DAB2IP: variants seen among roughly 807,000 people sequenced by gnomAD.
The protein encoded by DAB2IP is disabled homolog 2-interacting protein.
Under a neutral mutation model 107.2 loss-of-function variants are expected in DAB2IP, and 28 were observed. The ratio of observed to expected loss-of-function variants is 0.26; its 90% CI spans 0.19 to 0.36. The LOEUF is 0.36. Among genes scored for constraint, DAB2IP ranks in the 10% least tolerant of loss-of-function variants. The pLI is 1.00. For missense variants in DAB2IP, 1,400 were observed against 1,644.7 expected (o/e 0.85, Z 2.57); for synonymous variants, 755 against 706.4 (o/e 1.07, Z -1.09).
intron 3 of DAB2IP, among the ~76,000 whole-genome samples, chr9:121,703,539 G>GT (rs1216085431): frequency 3.3e-5 from 5 of 152,160 alleles, no homozygotes; most frequent in African/African-American, 1.2e-4. Context: ...TGCAGCCTCA[G>GT]TTTGCTCATC....
At chr9:121,591,017 T>C (rs979334477) in intron 1 of DAB2IP, among the ~76,000 whole-genome samples, 5 of 152,152 alleles carry the variant, frequency 3.3e-5, no homozygotes, top group East Asian at 1.9e-4. Flanking sequence ...TAGGCTTCCA[T>C]TGGGAGAAGT....
chr9:121,645,193 C>T (rs1176348478), intron 1 of DAB2IP, among the ~76,000 whole-genome samples: 1 of 152,194 alleles, frequency 6.6e-6, no homozygotes, highest in Admixed American at 6.5e-5. Context: ...CCACCTGGAG[C>T]TTGGCAGCGT....
At chr9:121,589,189 G>A (rs1830372846) in intron 1 of DAB2IP, among the ~76,000 whole-genome samples, 1 of 152,122 alleles carries the variant, frequency 6.6e-6, no homozygotes, top group Non-Finnish European at 1.5e-5. Flanking sequence ...TCCACATGGA[G>A]AGGGGCCAGT....
chr9:121,665,397 T>A (rs1292803126), intron 1 of DAB2IP, among the ~76,000 whole-genome samples: 1 of 152,058 alleles, frequency 6.6e-6, no homozygotes, highest in African/African-American at 2.4e-5. Context: ...AAGGTGGAAA[T>A]TTGGGGGGAA....
Position 121,772,841 on chromosome 9 carries a change from C to T in DAB2IP, c.2313C>T (p.Pro771=). Residue 771 remains proline (P), a synonymous_variant, in exon 12 of 16, where the codon CCC becomes CCT. Transcript: ENST00000408936. This position sits in a 1 kb window ranked among gnomAD's most constrained non-coding sequence, Gnocchi z 4.7. ...CCCCGGCGGGCCCCGACGTCCTCCCCACAGATGGGCAGGCCGCTGCAGCTC... is the reference window on the plus strand; with the variant it reads ...CCCCGGCGGGCCCCGACGTCCTCCCTACAGATGGGCAGGCCGCTGCAGCTC... The T allele has an allele frequency of 4.4e-6, 7 of 1,601,472 alleles. No individual in the cohort carries two copies. Among genetic ancestry groups the T allele is most frequent in the East Asian group, 2.2e-5 (1 of 44,692 alleles).
intron 3 of DAB2IP, among the ~76,000 whole-genome samples, chr9:121,704,404 C>T (rs528616041): frequency 4.1e-4 from 62 of 152,236 alleles, no homozygotes; most frequent in Admixed American, 9.8e-4. Flanking sequence ...TATTTGCATT[C>T]ATTTGCTTGT....
Position 121,698,066 on chromosome 9 carries a change from A to G in DAB2IP, c.229-1259A>G, listed in dbSNP as rs1185388498. On this transcript the variant is annotated intron_variant, in intron 2 of 15. Coordinates refer to ENST00000408936, the Ensembl canonical transcript of DAB2IP. The surrounding 1 kb of genome is among the most constrained non-coding windows in gnomAD (Gnocchi z 4.1). ...CAGATACAGCCCAGGGCCTGTGCCAAACATCCACTGCTCCTCTTGAACACA... is the reference window on the plus strand; with the variant it reads ...CAGATACAGCCCAGGGCCTGTGCCAGACATCCACTGCTCCTCTTGAACACA... 2.0e-5 allele frequency among the ~76,000 whole-genome samples: 3 copies of G among 152,198 alleles called. No homozygotes were observed. The highest frequency in any genetic ancestry group is 7.2e-5 in the African/African-American group (3 of 41,446).
intron 1 of DAB2IP, among the ~76,000 whole-genome samples, chr9:121,612,973 G>GA (rs1384641343): frequency 6.6e-6 from 1 of 152,208 alleles, no homozygotes; most frequent in African/African-American, 2.4e-5. Context: ...GGGGAGGGGG[G>GA]ATGTCAAATC....
chr9:121,752,850 G>T (rs1833218529), intron 3 of DAB2IP: 1 of 152,246 alleles, frequency 6.6e-6, no homozygotes, highest in African/African-American at 2.4e-5. Context: ...GCATGTGCCG[G>T]CTGCCAGTGT....
intron 3 of DAB2IP, among the ~76,000 whole-genome samples, chr9:121,723,507 G>A (rs1425480685): frequency 1.3e-5 from 2 of 152,212 alleles, no homozygotes; most frequent in African/African-American, 4.8e-5. Flanking sequence ...CCAGGTCCAG[G>A]GAGGAGTGTG....
At chr9:121,712,222 G>C (rs1363308688) in intron 3 of DAB2IP, among the ~76,000 whole-genome samples, 1 of 151,834 alleles carries the variant, frequency 6.6e-6, no homozygotes, top group African/African-American at 2.4e-5. Context: ...GGGCAGGTGA[G>C]GGGTAGTGTG....
intron 3 of DAB2IP, among the ~76,000 whole-genome samples, chr9:121,705,995 C>T (rs1288385615): frequency 6.6e-6 from 1 of 152,216 alleles, no homozygotes; most frequent in East Asian, 1.9e-4. Context: ...GGAAAAGCAT[C>T]CAGCTCCCCC....
chr9:121,654,454 GTTTT>G (rs998397635), intron 1 of DAB2IP, among the ~76,000 whole-genome samples: 20 of 151,858 alleles, frequency 1.3e-4, no homozygotes, highest in African/African-American at 4.4e-4. Flanking sequence ...TTGTTTGTTT[GTTTT>G]TTTAAAAAAA....
chr9:121,692,990 C>T (rs955448146), intron 2 of DAB2IP, among the ~76,000 whole-genome samples: 10 of 152,226 alleles, frequency 6.6e-5, no homozygotes, highest in African/African-American at 2.4e-4. Context: ...GGCAGCTGCT[C>T]TGACTTTATA....
rs978423130 is a variant in DAB2IP at position 121,782,213 on chromosome 9, CG to C, written c.3403-116del. Reference sequence around the variant, plus strand: ...CTTCTCTTGCCAGCTGCTCACAGCCCGGAGCCTGCCTGCCACCCTCATCTCC... The same window carrying C: ...CTTCTCTTGCCAGCTGCTCACAGCCCGAGCCTGCCTGCCACCCTCATCTCC... On this transcript the variant is annotated intron_variant, in intron 15 of 15. Transcript: ENST00000408936. This position sits in a 1 kb window ranked among gnomAD's most constrained non-coding sequence, Gnocchi z 6.1. 18 of 1,487,276 alleles carry C rather than the reference CG, an allele frequency of 1.2e-5. No individual in the cohort carries two copies. Among genetic ancestry groups the C allele is most frequent in the Non-Finnish European group, 1.5e-5 (17 of 1,112,446 alleles). The allele number at this position is 1,487,276 out of a possible 1,614,324, so 92.1% of individuals were successfully genotyped here. A position where few individuals can be genotyped will look rare whatever the true frequency, so the allele number is the denominator to read the frequency against.
intron 3 of DAB2IP, among the ~76,000 whole-genome samples, chr9:121,756,585 C>T (rs1833496385): frequency 6.6e-6 from 1 of 152,228 alleles, no homozygotes; most frequent in African/African-American, 2.4e-5. Context: ...AATGTTGGGG[C>T]AGAGTGACTG....
intron 1 of DAB2IP, among the ~76,000 whole-genome samples, chr9:121,652,639 G>A (rs1401757912): frequency 6.6e-6 from 1 of 152,104 alleles, no homozygotes; most frequent in African/African-American, 2.4e-5. Context: ...CAGGCCCACC[G>A]AGGGTGCCCG....
intron 3 of DAB2IP, among the ~76,000 whole-genome samples, chr9:121,734,161 A>T (rs2118865616): frequency 7.1e-6 from 1 of 140,504 alleles, no homozygotes; most frequent in South Asian, 2.1e-4. Context: ...GTGGATCACG[A>T]GGTCAGGAGA....
At chr9:121,700,140 G>A (rs960634802) in intron 3 of DAB2IP, among the ~76,000 whole-genome samples, 7 of 152,198 alleles carry the variant, frequency 4.6e-5, no homozygotes, top group African/African-American at 1.7e-4. Flanking sequence ...CACTCTCAGG[G>A]GTGTCTCCTG....
Sources: allele counts gnomAD v4.1 joint callset (sites outside exome capture counted in the v4.1 genomes callset), GRCh38; gene constraint gnomAD v4.1.1; non-coding constraint Gnocchi (gnomAD v3.1); transcripts MANE v1.5; gene names NCBI Gene and HGNC (gene_info 2026-07-23, HGNC 2026-07-21).